The following CALD1 variants were observed in gnomAD, a reference collection of about 807,000 sequenced individuals.
The protein encoded by CALD1 is caldesmon.
In CALD1, 33 loss-of-function variants were observed where a neutral mutation model predicts 99.9. The ratio of observed to expected loss-of-function variants is 0.33; its 90% CI spans 0.25 to 0.44. The LOEUF (loss-of-function observed/expected upper bound fraction) is 0.44, where lower values mean the gene tolerates loss of function less well. Among genes scored for constraint, CALD1 ranks in the 20% least tolerant of loss-of-function variants. CALD1 has a pLI of 1.00. For synonymous variants in CALD1, 310 were observed against 325.0 expected, an observed-to-expected ratio of 0.95 and a Z score of 0.50; for missense variants, 861 against 962.1, an observed-to-expected ratio of 0.89 and a Z score of 1.39.
chr7:134,728,856 T>C, the CALD1 span, among the ~76,000 whole-genome samples: 525 of 148,116 alleles, frequency 3.5e-3, 5 homozygotes, highest in African/African-American at 9.3e-3. Context: ...TTTTTTTTTT[T>C]TTTTTTTTTT....
At chr7:134,843,092 C>T (rs1799715033) in intron 1 of CALD1, among the ~76,000 whole-genome samples, 1 of 152,236 alleles carries the variant, frequency 6.6e-6, no homozygotes. Flanking sequence ...GCCCAGCTCC[C>T]TTCCCGTCTT....
intron 3 of CALD1, among the ~76,000 whole-genome samples, chr7:134,902,481 G>C (rs1044736461): frequency 7.9e-5 from 12 of 152,004 alleles, no homozygotes; most frequent in Non-Finnish European, 1.8e-4. Context: ...CTGGGAGGGA[G>C]ATCATGTAAA....
intron 3 of CALD1, among the ~76,000 whole-genome samples, chr7:134,888,918 G>A (rs983017344): frequency 6.6e-6 from 1 of 152,212 alleles, no homozygotes; most frequent in Non-Finnish European, 1.5e-5. Context: ...CTGCACATGA[G>A]TGGAAGACTA....
At chr7:134,816,235 T>C (rs938971288) in intron 1 of CALD1, among the ~76,000 whole-genome samples, 2 of 152,180 alleles carry the variant, frequency 1.3e-5, no homozygotes, top group Non-Finnish European at 2.9e-5. Flanking sequence ...TTTATCTCAG[T>C]GTCTGATTAT....
At chr7:134,718,364 T>C in the CALD1 span, among the ~76,000 whole-genome samples, 11 of 152,142 alleles carry the variant, frequency 7.2e-5, no homozygotes, top group South Asian at 2.1e-4. Flanking sequence ...TTTACAGACA[T>C]GACAAAAAGG....
intron 2 of CALD1, among the ~76,000 whole-genome samples, chr7:134,854,603 C>G (rs1188308412): frequency 6.6e-6 from 1 of 152,174 alleles, no homozygotes; most frequent in African/African-American, 2.4e-5. Flanking sequence ...ATGGGCTAAA[C>G]TAACCATCTC....
intron 1 of CALD1, among the ~76,000 whole-genome samples, chr7:134,832,064 A>C (rs1384441896): frequency 1.3e-5 from 2 of 152,260 alleles, no homozygotes; most frequent in Non-Finnish European, 2.9e-5. Context: ...GCATGCGCAC[A>C]GCCCTTCTTA....
intron 1 of CALD1, among the ~76,000 whole-genome samples, chr7:134,767,051 A>C (rs548734629): frequency 6.6e-6 from 1 of 152,348 alleles, no homozygotes; most frequent in African/African-American, 2.4e-5. Flanking sequence ...AGGAGGGACC[A>C]ACAGAGAGAC....
intron 8 of CALD1, among the ~76,000 whole-genome samples, chr7:134,949,250 T>C (rs1448668602): frequency 1.3e-5 from 2 of 152,190 alleles, no homozygotes; most frequent in Non-Finnish European, 2.9e-5. Context: ...TAGGAGATTA[T>C]TTGGGCTAAA....
intron 3 of CALD1, among the ~76,000 whole-genome samples, chr7:134,901,706 T>G (rs1803011484): frequency 6.6e-6 from 1 of 152,050 alleles, no homozygotes; most frequent in Non-Finnish European, 1.5e-5. Context: ...GGAGGATCCT[T>G]CCTTGCCTCC....
chr7:134,947,916 A>T (rs1370539581), intron 8 of CALD1, 147 bp downstream of exon 8: 1 of 978,014 alleles, frequency 1.0e-6, no homozygotes, highest in African/African-American at 1.6e-5. Context: ...TAACTTGTAG[A>T]TGTATTAATT....
chr7:134,897,381 T>G (rs1298465534), intron 3 of CALD1, among the ~76,000 whole-genome samples: 1 of 147,304 alleles, frequency 6.8e-6, no homozygotes, highest in Non-Finnish European at 1.5e-5. Context: ...ATACAATATA[T>G]ATATATAAAT....
At chr7:134,848,983 C>T (rs1340937164) in intron 2 of CALD1, among the ~76,000 whole-genome samples, 1 of 152,102 alleles carries the variant, frequency 6.6e-6, no homozygotes, top group East Asian at 1.9e-4. Flanking sequence ...CATATTAGTT[C>T]TGTGTTACAT....
chr7:134,858,350 C>G (rs2132264109), intron 2 of CALD1, among the ~76,000 whole-genome samples: 1 of 152,104 alleles, frequency 6.6e-6, no homozygotes, highest in Admixed American at 6.5e-5. Context: ...TTGCCCCCAT[C>G]CAAAAAGCCT....
chr7:134,834,695 C>G (rs1799362149), intron 1 of CALD1, among the ~76,000 whole-genome samples: 1 of 152,176 alleles, frequency 6.6e-6, no homozygotes. Flanking sequence ...GTATTCTTAA[C>G]CCATTTGTGA....
chr7:134,841,302 T>G (rs1424143686), intron 1 of CALD1, among the ~76,000 whole-genome samples: 3 of 152,224 alleles, frequency 2.0e-5, no homozygotes, highest in Non-Finnish European at 2.9e-5. Flanking sequence ...CTCCCATGTT[T>G]AACTATAAAT....
the CALD1 span, among the ~76,000 whole-genome samples, chr7:134,715,609 G>T: frequency 6.6e-6 from 1 of 152,138 alleles, no homozygotes; most frequent in Admixed American, 6.6e-5. Flanking sequence ...AAACTTTCTT[G>T]CCTTCAGGTT....
intron 3 of CALD1, among the ~76,000 whole-genome samples, chr7:134,882,773 T>C (rs1801666605): frequency 1.3e-5 from 2 of 152,252 alleles, no homozygotes; most frequent in Admixed American, 1.3e-4. Context: ...GTGTTTAACA[T>C]ACAAGTTGAG....
At chr7:134,895,115 A>G (rs1264823105) in intron 3 of CALD1, among the ~76,000 whole-genome samples, 1 of 151,132 alleles carries the variant, frequency 6.6e-6, no homozygotes, top group Non-Finnish European at 1.5e-5. Flanking sequence ...ATAAATAAAT[A>G]AATAAATAAA....
Sources: gnomAD v4.1 joint callset for allele counts (sites outside exome capture counted in the v4.1 genomes callset) on GRCh38, gnomAD v4.1.1 for gene constraint, MANE v1.5 for transcripts, NCBI Gene and HGNC (gene_info 2026-07-23, HGNC 2026-07-21) for gene names.